XKR9: variants seen among roughly 807,000 people sequenced by gnomAD.
XKR9 encodes the protein XK-related protein 9.
In XKR9, 32 loss-of-function variants were observed where a neutral mutation model predicts 32.0. The ratio of observed to expected loss-of-function variants is 1.00; its 90% confidence interval spans 0.76 to 1.34. The LOEUF (loss-of-function observed/expected upper bound fraction) is 1.34. Among genes scored for constraint, XKR9 ranks in the 40% most tolerant of loss-of-function variants. The pLI is 0.00. For synonymous variants in XKR9, 168 were observed against 143.4 expected (o/e 1.17, Z -1.22); for missense variants, 546 against 429.7 (o/e 1.27, Z -2.39).
the XKR9 span, among the ~76,000 whole-genome samples, chr8:70,926,562 A>T: frequency 1.3e-5 from 2 of 152,350 alleles, no homozygotes; most frequent in East Asian, 3.9e-4. Flanking sequence ...CAATCTCGCA[A>T]AAATATGTAT....
chr8:70,736,157 T>G (rs1340293178), downstream of XKR9, among the ~76,000 whole-genome samples: 2 of 151,874 alleles, frequency 1.3e-5, no homozygotes, highest in Admixed American at 1.3e-4. Flanking sequence ...ATTGCCATTC[T>G]AACTGGTGTG....
rs540877933 is a variant in XKR9, at chr8:70,701,157, G to A, written c.273-5776G>A. Among the ~76,000 whole-genome samples, 244 of 152,252 alleles carry A rather than the reference G, an allele frequency of 1.6e-3. 1 individual carries two copies. The highest frequency in any genetic ancestry group is 5.5e-3 in the African/African-American group (228 of 41,552). On this transcript the variant is annotated intron_variant, in intron 3 of 4. Transcript: ENST00000408926. ...CACTTCCCGAGTGAGGCAATGCCTC[G>A]CCCTGCTTCGGCTCGTGCACAGTGT...
At chr8:70,707,776 G>A (rs138758508) in intron 4 of XKR9, among the ~76,000 whole-genome samples, 1 of 151,912 alleles carries the variant, frequency 6.6e-6, no homozygotes, top group African/African-American at 2.4e-5. Context: ...TGGCCAATGT[G>A]TTTGCTGTTT....
At chr8:70,815,854 T>C in the XKR9 span, among the ~76,000 whole-genome samples, 1 of 152,084 alleles carries the variant, frequency 6.6e-6, no homozygotes, top group South Asian at 2.1e-4. Context: ...TTTTATTCTG[T>C]GGTATATGCG....
chr8:70,689,708 A>G (rs62530773), intron 3 of XKR9, among the ~76,000 whole-genome samples: 5,694 of 152,258 alleles, frequency 0.037, 164 homozygotes, highest in Non-Finnish European at 0.054. Context: ...ATGATAAAGT[A>G]CTTTCTATGC....
the XKR9 span, among the ~76,000 whole-genome samples, chr8:70,898,231 A>G: frequency 6.6e-6 from 1 of 152,136 alleles, no homozygotes; most frequent in Non-Finnish European, 1.5e-5. Context: ...TAACTGTTAA[A>G]TGTATGGATT....
At chr8:71,010,306 G>A in the XKR9 span, among the ~76,000 whole-genome samples, 2 of 152,122 alleles carry the variant, frequency 1.3e-5, no homozygotes, top group African/African-American at 4.8e-5. Flanking sequence ...ACCTTTGGAC[G>A]ATTAACATGG....
At chr8:70,876,155 A>G in the XKR9 span, among the ~76,000 whole-genome samples, 3 of 152,034 alleles carry the variant, frequency 2.0e-5, no homozygotes, top group Non-Finnish European at 4.4e-5. Flanking sequence ...AGAGTCTAAT[A>G]AGTCTTGGAT....
chr8:70,678,561 C>T (rs1236223970), intron 2 of XKR9, among the ~76,000 whole-genome samples: 1 of 152,116 alleles, frequency 6.6e-6, no homozygotes, highest in Admixed American at 6.6e-5. Context: ...TGAGCAGAAC[C>T]TCCCGATTAA....
chr8:71,045,880 A>C, the XKR9 span, among the ~76,000 whole-genome samples: 2 of 152,194 alleles, frequency 1.3e-5, no homozygotes, highest in Non-Finnish European at 2.9e-5. Flanking sequence ...AGTAGGTGTC[A>C]GGCATCCCAG....
chr8:70,745,151 T>G (rs1245163619), intron 2 of XKR9, among the ~76,000 whole-genome samples: 2 of 151,136 alleles, frequency 1.3e-5, no homozygotes, highest in Non-Finnish European at 3.0e-5. Flanking sequence ...TCTTATTGGT[T>G]TTATAGCCAA....
chr8:70,862,302 T>A, the XKR9 span, among the ~76,000 whole-genome samples: 1 of 152,162 alleles, frequency 6.6e-6, no homozygotes. Flanking sequence ...AAACCCCACA[T>A]AGTCTCTTAT....
chr8:70,905,879 T>A, the XKR9 span, among the ~76,000 whole-genome samples: 6 of 152,200 alleles, frequency 3.9e-5, no homozygotes, highest in African/African-American at 1.2e-4. Context: ...CTGTTGGAGT[T>A]TGCTTGAGGT....
chr8:70,742,433 G>T (rs568877575), intron 2 of XKR9, among the ~76,000 whole-genome samples: 79 of 152,252 alleles, frequency 5.2e-4, no homozygotes, highest in Non-Finnish European at 1.0e-3. Flanking sequence ...CACTTGATTC[G>T]GAATCTTTGA....
chr8:70,912,028 T>C, the XKR9 span, among the ~76,000 whole-genome samples: 1 of 151,896 alleles, frequency 6.6e-6, no homozygotes, highest in Non-Finnish European at 1.5e-5. Flanking sequence ...GCTACTTGGG[T>C]GGAGAAGGAA....
chr8:70,809,232 G>T, the XKR9 span, among the ~76,000 whole-genome samples: 1 of 152,148 alleles, frequency 6.6e-6, no homozygotes, highest in Non-Finnish European at 1.5e-5. Context: ...GCAGCTGAGG[G>T]TCCTGACTGT....
At chr8:70,765,729 A>G (rs945103333) in intron 2 of XKR9, among the ~76,000 whole-genome samples, 3 of 152,112 alleles carry the variant, frequency 2.0e-5, no homozygotes, top group Non-Finnish European at 4.4e-5. Flanking sequence ...TAGGGTTTTT[A>G]TGGCTTTAAG....
chr8:70,870,506 G>A, the XKR9 span, among the ~76,000 whole-genome samples: 3 of 152,178 alleles, frequency 2.0e-5, no homozygotes, highest in Non-Finnish European at 2.9e-5. Context: ...TGTTGTTGTG[G>A]TTTGGAATGT....
At chr8:70,798,961 A>G in the XKR9 span, among the ~76,000 whole-genome samples, 2 of 152,174 alleles carry the variant, frequency 1.3e-5, no homozygotes, top group Non-Finnish European at 2.9e-5. Flanking sequence ...GCCTTGTAGT[A>G]TAGTTTGAAG....
Sources: allele counts gnomAD v4.1 joint callset (sites outside exome capture counted in the v4.1 genomes callset), GRCh38; gene constraint gnomAD v4.1.1; transcripts MANE v1.5; gene names NCBI Gene and HGNC (gene_info 2026-07-23, HGNC 2026-07-21).